Variants in TENM4 observed in about 807,000 individuals in gnomAD.
TENM4 encodes the protein teneurin transmembrane protein 4.
Under a neutral mutation model 243.3 loss-of-function variants are expected in TENM4, and 82 were observed. That is an observed-to-expected ratio of 0.34 (90% confidence interval 0.28 to 0.40). The LOEUF (loss-of-function observed/expected upper bound fraction) is 0.40, where lower values mean the gene tolerates loss of function less well. Among genes scored for constraint, TENM4 ranks in the 10% least tolerant of loss-of-function variants. TENM4 has a pLI of 1.00. For missense variants in TENM4, 3,138 were observed against 3,673.3 expected (o/e 0.85, Z 3.77); for synonymous variants, 1,412 against 1,456.3 (o/e 0.97, Z 0.69).
intron 22 of TENM4, among the ~76,000 whole-genome samples, chr11:78,728,067 G>GC (rs1206078659): frequency 1.3e-5 from 2 of 152,152 alleles, no homozygotes; most frequent in Admixed American, 1.3e-4. Flanking sequence ...CTTTTTAACT[G>GC]ACTGGCGGGC....
chr11:78,947,137 C>T (rs117241343), intron 6 of TENM4, among the ~76,000 whole-genome samples: 297 of 152,268 alleles, frequency 2.0e-3, no homozygotes, highest in Middle Eastern at 6.8e-3. Flanking sequence ...AAGGAAGAAT[C>T]GATACATGAG....
chr11:79,207,254 C>T (rs1176719760), intron 3 of TENM4, among the ~76,000 whole-genome samples: 1 of 152,140 alleles, frequency 6.6e-6, no homozygotes, highest in Non-Finnish European at 1.5e-5. Context: ...GGTGCAAAGG[C>T]CAGGAAGCAC....
At chr11:79,365,051 G>A (rs754873900) in intron 1 of TENM4, among the ~76,000 whole-genome samples, 12 of 152,176 alleles carry the variant, frequency 7.9e-5, no homozygotes, top group Non-Finnish European at 1.6e-4. Context: ...TTGATTGCGA[G>A]GATAAATATG....
chr11:79,095,098 G>T (rs562471654), intron 4 of TENM4, among the ~76,000 whole-genome samples: 1 of 152,134 alleles, frequency 6.6e-6, no homozygotes, highest in East Asian at 1.9e-4. Flanking sequence ...GGTGGGGAGA[G>T]GGGGGTGAAG....
intron 4 of TENM4, among the ~76,000 whole-genome samples, chr11:79,075,432 G>A (rs1003035384): frequency 2.0e-5 from 3 of 152,202 alleles, no homozygotes; most frequent in African/African-American, 4.8e-5. Context: ...TACTCCAAGA[G>A]GCTGAGTTTG....
At chr11:79,133,721 ACAC>A (rs757623391) in intron 4 of TENM4, among the ~76,000 whole-genome samples, 2 of 152,186 alleles carry the variant, frequency 1.3e-5, no homozygotes, top group Non-Finnish European at 2.9e-5. Context: ...TAAATGTGCT[ACAC>A]CACGTAAACA....
At chr11:78,938,854 A>G (rs1433555705) in intron 6 of TENM4, among the ~76,000 whole-genome samples, 3 of 152,212 alleles carry the variant, frequency 2.0e-5, no homozygotes, top group East Asian at 3.9e-4. Flanking sequence ...AGCTTGGAGT[A>G]TAAGCACTTA....
intron 13 of TENM4, 53 bp downstream of exon 13, chr11:78,814,241 T>G: frequency 3.3e-6 from 5 of 1,510,196 alleles, no homozygotes; most frequent in Non-Finnish European, 4.5e-6. Flanking sequence ...AGAAGTGAGC[T>G]GCCTGAGGGG....
chr11:79,120,776 G>A (rs1412060149), intron 4 of TENM4, among the ~76,000 whole-genome samples: 1 of 152,204 alleles, frequency 6.6e-6, no homozygotes, highest in Non-Finnish European at 1.5e-5. Context: ...CATGAATGGA[G>A]ATGATCACAA....
chr11:78,824,503 C>CTT (rs35834549), intron 12 of TENM4, among the ~76,000 whole-genome samples: 3,715 of 136,982 alleles, frequency 0.027, 69 homozygotes, highest in Non-Finnish European at 0.031. Flanking sequence ...TTCTTTCTTT[C>CTT]TTTTTTTTTT....
chr11:78,895,485 T>G (rs1855771863), intron 7 of TENM4, among the ~76,000 whole-genome samples: 1 of 151,988 alleles, frequency 6.6e-6, no homozygotes. Context: ...CCATAGCAAG[T>G]CAGTGGCAGA....
At chr11:79,201,810 C>G (rs1374606369) in intron 3 of TENM4, among the ~76,000 whole-genome samples, 1 of 152,146 alleles carries the variant, frequency 6.6e-6, no homozygotes, top group Non-Finnish European at 1.5e-5. Context: ...GTGACCCAAT[C>G]TCATTTGTTT....
intron 1 of TENM4, among the ~76,000 whole-genome samples, chr11:79,409,660 G>A (rs1858656879): frequency 6.6e-6 from 1 of 152,136 alleles, no homozygotes; most frequent in Admixed American, 6.5e-5. Context: ...AGCTGTAGCA[G>A]ACACTACGGA....
intron 6 of TENM4, among the ~76,000 whole-genome samples, chr11:79,059,481 C>G (rs934716039): frequency 6.6e-6 from 1 of 152,174 alleles, no homozygotes; most frequent in Non-Finnish European, 1.5e-5. Context: ...TAATAGCTCC[C>G]GTGAATTAAG....
At chr11:79,113,581 A>G (rs1861555770) in intron 4 of TENM4, among the ~76,000 whole-genome samples, 1 of 152,084 alleles carries the variant, frequency 6.6e-6, no homozygotes, top group African/African-American at 2.4e-5. Context: ...TGCAAGCGGA[A>G]ACATGAAAAT....
chr11:79,162,836 T>G (rs2135089909), intron 3 of TENM4, among the ~76,000 whole-genome samples: 1 of 152,304 alleles, frequency 6.6e-6, no homozygotes, highest in African/African-American at 2.4e-5. Flanking sequence ...GGGCCAGCTG[T>G]TCATCTGCTG....
intron 9 of TENM4, among the ~76,000 whole-genome samples, chr11:78,889,333 C>T (rs1855611560): frequency 6.6e-6 from 1 of 152,212 alleles, no homozygotes; most frequent in Admixed American, 6.5e-5. Flanking sequence ...TGCCAGTTTC[C>T]CTCCAAGCCC....
chr11:78,909,499 C>T (rs958269242), intron 6 of TENM4, among the ~76,000 whole-genome samples: 5 of 152,190 alleles, frequency 3.3e-5, no homozygotes, highest in Non-Finnish European at 7.3e-5. Flanking sequence ...TACTGTTAAA[C>T]ATTCTTTTTT....
chr11:79,325,982 C>T (rs1856968911), intron 1 of TENM4, among the ~76,000 whole-genome samples: 1 of 152,226 alleles, frequency 6.6e-6, no homozygotes, highest in South Asian at 2.1e-4. Flanking sequence ...AAACATGAGC[C>T]TGCTCGCATC....
Sources: allele counts gnomAD v4.1 joint callset (sites outside exome capture counted in the v4.1 genomes callset), GRCh38; gene constraint gnomAD v4.1.1; transcripts MANE v1.5; gene names NCBI Gene and HGNC (gene_info 2026-07-23, HGNC 2026-07-21).